Variants in OGFOD3 observed in about 807,000 individuals in gnomAD.
OGFOD3 encodes 2-oxoglutarate and iron-dependent oxygenase domain-containing protein 3.
A neutral mutation model predicts 39.8 loss-of-function variants in OGFOD3; 35 were observed. The ratio of observed to expected loss-of-function variants is 0.88; its 90% CI spans 0.67 to 1.17. OGFOD3 has a LOEUF of 1.17. Ranked by LOEUF, OGFOD3 falls within the 50% of genes most tolerant of loss-of-function variation. OGFOD3 has a pLI of 0.00. For synonymous variants in OGFOD3, 200 were observed against 192.0 expected, an observed-to-expected ratio of 1.04 and a Z score of -0.34; for missense variants, 438 against 454.5, an observed-to-expected ratio of 0.96 and a Z score of 0.33.
Position 82,415,013 on chromosome 17 carries a change from G to C in OGFOD3, c.304+385C>G, listed in dbSNP as rs533213227. The stretch of plus-strand genomic sequence containing the variant: ...TCAGGCCCAGGCAGAACGGGAGCGG[G>C]GGAGGGGAGCTGGGGCACAGGACGG... On this transcript the variant is annotated intron_variant, in intron 2 of 8. Coordinates refer to ENST00000313056, the MANE Select transcript of OGFOD3 (RefSeq NM_024648.3). This position sits in a 1 kb window ranked among gnomAD's most constrained non-coding sequence, Gnocchi z 5.3. Among the ~76,000 whole-genome samples, 1 of 152,204 alleles carries C rather than the reference G, an allele frequency of 6.6e-6. No individual in the cohort carries two copies. Among genetic ancestry groups the C allele is most frequent in the Non-Finnish European group, 1.5e-5 (1 of 68,032 alleles).
At chr17:82,409,118 G>A (rs2052903280) in intron 4 of OGFOD3, among the ~76,000 whole-genome samples, 1 of 152,208 alleles carries the variant, frequency 6.6e-6, no homozygotes, top group Admixed American at 6.5e-5. Context: ...ACTGGAGCCA[G>A]GCAGGCCGTG....
In OGFOD3 at chr17:82,404,990, C is replaced by T. The variant is rs1361353309; in HGVS notation, c.545+334G>A. On this transcript the variant is annotated intron_variant, in intron 6 of 8. Coordinates refer to ENST00000313056, the MANE Select transcript of OGFOD3 (RefSeq NM_024648.3). This position sits in a 1 kb window ranked among gnomAD's most constrained non-coding sequence, Gnocchi z 4.5. ...TCCTGACCTCAGGTGATCCACCCGC[C>T]TCGCCTCCCAAAGTGCTGGGATTAC... is the stretch of plus-strand genomic sequence containing the variant. Among the ~76,000 whole-genome samples, 1 of 152,138 alleles carries T rather than the reference C, an allele frequency of 6.6e-6. No individual in the cohort carries two copies. Among genetic ancestry groups the T allele is most frequent in the Non-Finnish European group, 1.5e-5 (1 of 68,018 alleles).
At chr17:82,411,647 C>T (rs1478658143) in intron 2 of OGFOD3, 117 bp from the exon 3 acceptor site, 5 of 751,422 alleles carry the variant, frequency 6.7e-6, no homozygotes, top group Admixed American at 2.2e-5. Flanking sequence ...TTCAGACACA[C>T]ACAACCACAG....
chr17:82,418,450 G>C lies in OGFOD3; in HGVS notation c.36C>G (p.Pro12=), dbSNP rs2053127814. ...GGCGCTCGGCCGCTCCGTTGCCCTC[G>C]GGCGCCTTGGTTGCGGCCCTCCGCT... is the stretch of plus-strand genomic sequence containing the variant. ...APQRRAATKA[P]EGNGAAERRN... Residue 12 remains proline, a synonymous_variant, in exon 1 of 9, where the codon CCC becomes CCG. Transcript: ENST00000313056. The C allele has an allele frequency of 2.0e-6, 3 of 1,476,044 alleles. No individual in the cohort carries two copies. The highest frequency in any genetic ancestry group is 2.7e-6 in the Non-Finnish European group (3 of 1,119,490). 91.4% of individuals were successfully genotyped at this position (1,476,044 alleles called of 1,614,324 possible).
Position 82,389,963 on chromosome 17 carries a change from G to A in OGFOD3, c.*2435C>T, listed in dbSNP as rs1176550461. ...GGGAACCCAGGAGGTGGACCTTGCA[G>A]TGAGCCGAGATTGCGCCACTGCACT... On this transcript the variant is annotated 3_prime_UTR_variant, in exon 9 of 9. Coordinates refer to ENST00000313056, the MANE Select transcript of OGFOD3 (RefSeq NM_024648.3). The surrounding 1 kb of genome is among the most constrained non-coding windows in gnomAD (Gnocchi z 4.6). 6.6e-6 allele frequency: 1 copy of A among 152,074 alleles called. No homozygotes were observed. Among genetic ancestry groups the A allele is most frequent in the East Asian group, 1.9e-4 (1 of 5,192 alleles). The allele number at this position is 152,074 out of a possible 1,614,324, so 9.4% of individuals were successfully genotyped here.
rs376554875 is a variant in OGFOD3, at chr17:82,392,561, GC to G, written c.824-28del. 727 of 1,564,796 alleles carry G rather than the reference GC, an allele frequency of 4.6e-4. 4 individuals are homozygous for G. The African/African-American group carries it at 9.0e-3, about 19-fold the overall frequency. On this transcript the variant is annotated intron_variant, in intron 8 of 8. Coordinates refer to ENST00000313056, the MANE Select transcript of OGFOD3 (RefSeq NM_024648.3). The surrounding 1 kb of genome is among the most constrained non-coding windows in gnomAD (Gnocchi z 4.2). ...TGGGAGAGGAGAAGAGAGAGAGGTG[GC>G]CATAGAGCCACACCCACGGCCACAG...
At chr17:82,402,682 G>A (rs1394408660) in intron 7 of OGFOD3, among the ~76,000 whole-genome samples, 12 of 152,164 alleles carry the variant, frequency 7.9e-5, no homozygotes, top group Admixed American at 7.9e-4. Context: ...AAGAGGTGGA[G>A]GTTGCAGTGA....
chr17:82,411,684 G>A (rs760653871), intron 2 of OGFOD3, 154 bp from the exon 3 acceptor site: 3 of 605,446 alleles, frequency 5.0e-6, no homozygotes, highest in South Asian at 4.0e-5. Context: ...CGCTTTGTGC[G>A]GTGCATCTGG....
At chr17:82,417,339 C>G (rs1032933171) in intron 1 of OGFOD3, 1 of 152,202 alleles carries the variant, frequency 6.6e-6, no homozygotes, top group Non-Finnish European at 1.5e-5. Context: ...ATAGCTGTGG[C>G]CAGGTGCAGT....
intron 1 of OGFOD3, among the ~76,000 whole-genome samples, chr17:82,417,902 C>T (rs2053094751): frequency 6.6e-6 from 1 of 152,168 alleles, no homozygotes; most frequent in African/African-American, 2.4e-5. Flanking sequence ...ACGTTAGAGG[C>T]TCCTTCACTA....
chr17:82,411,038 T>C (rs1347621577), intron 3 of OGFOD3, among the ~76,000 whole-genome samples: 2 of 146,886 alleles, frequency 1.4e-5, no homozygotes, highest in Admixed American at 6.9e-5. Flanking sequence ...CTTATAAAAT[T>C]ATAATAAAAT....
chr17:82,393,391 C>A (rs985395298), intron 8 of OGFOD3: 4 of 152,248 alleles, frequency 2.6e-5, no homozygotes, highest in Non-Finnish European at 4.4e-5. Context: ...GAGAGAAGTC[C>A]ATCCCGGGTG....
chr17:82,389,431 C>G lies in OGFOD3; in HGVS notation c.*2967G>C, dbSNP rs2052576853. 6.6e-6 allele frequency: 1 copy of G among 152,218 alleles called. No individual in the cohort carries two copies. The highest frequency in any genetic ancestry group is 1.5e-5 in the Non-Finnish European group (1 of 68,044). The allele number at this position is 152,218 out of a possible 1,614,324, so 9.4% of individuals were successfully genotyped here. On this transcript the variant is annotated 3_prime_UTR_variant, in exon 9 of 9. Coordinates refer to ENST00000313056, the MANE Select transcript of OGFOD3 (RefSeq NM_024648.3). This position sits in a 1 kb window ranked among gnomAD's most constrained non-coding sequence, Gnocchi z 4.6. Reference sequence around the variant, plus strand: ...GTTCACGAGCACTTCTTGGGCAAAGCCCAGGGTGTGAGGATTCACTGCTGT... The same window carrying G: ...GTTCACGAGCACTTCTTGGGCAAAGGCCAGGGTGTGAGGATTCACTGCTGT...
Position 82,415,983 on chromosome 17 carries a change from C to T in OGFOD3, c.75-356G>A, listed in dbSNP as rs1008058170. 2.6e-5 allele frequency among the ~76,000 whole-genome samples: 4 copies of T among 152,006 alleles called. No individual in the cohort carries two copies. The highest frequency in any genetic ancestry group is 9.7e-5 in the African/African-American group (4 of 41,370). ...GTGGCTTATGCCTGTAATCCCAGCA[C>T]CTGGGGAGGCCAAGGCGGGCAGATC... On this transcript the variant is annotated intron_variant, in intron 1 of 8. Coordinates refer to ENST00000313056, the MANE Select transcript of OGFOD3 (RefSeq NM_024648.3). This position sits in a 1 kb window ranked among gnomAD's most constrained non-coding sequence, Gnocchi z 5.3.
Position 82,415,551 on chromosome 17 carries a change from C to A in OGFOD3, c.151G>T (p.Ala51Ser), listed in dbSNP as rs1316214613. The change falls in exon 2 of 9, where the codon GCT (alanine) becomes TCT (serine). Residue 51 changes from alanine (A) to serine (S), a missense_variant. By Grantham distance (99) the Ala-to-Ser change is moderately conservative. Coordinates refer to ENST00000313056, the MANE Select transcript of OGFOD3 (RefSeq NM_024648.3). This position sits in a 1 kb window ranked among gnomAD's most constrained non-coding sequence, Gnocchi z 5.3. ...AGGAGTGCGGTGAGCACAAAGCCAG[C>A]CCCCAGGCCCGCGGTCCTTAGCCAC... Reference protein sequence around the residue: ...RPWLRTAGLGAGFVLTALLLW... With the variant: ...RPWLRTAGLGSGFVLTALLLW... The A allele has an allele frequency of 6.2e-7, 1 of 1,613,376 alleles. No individual in the cohort carries two copies. Among genetic ancestry groups the A allele is most frequent in the Non-Finnish European group, 8.5e-7 (1 of 1,179,922 alleles).
At chr17:82,403,327 G>A (rs2052795903) in intron 7 of OGFOD3, among the ~76,000 whole-genome samples, 1 of 151,986 alleles carries the variant, frequency 6.6e-6, no homozygotes, top group Non-Finnish European at 1.5e-5. Flanking sequence ...CCTCAGAGAG[G>A]AAGACATCTA....
In OGFOD3 at chr17:82,391,016, C is replaced by A; in HGVS notation, c.*1382G>T. 5.6e-6 allele frequency: 1 copy of A among 179,426 alleles called. No homozygotes were observed. Among genetic ancestry groups the A allele is most frequent in the South Asian group, 8.3e-5 (1 of 11,994 alleles). 11.1% of individuals were successfully genotyped at this position (179,426 alleles called of 1,614,324 possible). ...AGGTGGGGCCTCCTCCAGTCAGAGG[C>A]ACCTGTGCCAGGGGCTAGGGAACAT... is the stretch of plus-strand genomic sequence containing the variant. On this transcript the variant is annotated 3_prime_UTR_variant, in exon 9 of 9. Transcript: ENST00000313056. The surrounding 1 kb of genome is among the most constrained non-coding windows in gnomAD (Gnocchi z 5.1).
rs1039508357 is a variant in OGFOD3 at position 82,403,947 on chromosome 17, T to G, written c.689A>C (p.His230Pro). 3.7e-6 allele frequency: 6 copies of G among 1,604,266 alleles called. No homozygotes were observed. The Admixed American group carries it at 8.5e-5, about 23-fold the overall frequency. ...CACGGGCGCGCTCACCTTGTCCACG[T>G]GCGCATGCCAGTACTCGTCGTGCGC... is the stretch of plus-strand genomic sequence containing the variant. The part of the protein sequence containing the change: ...RTAHDEYWHA[H>P]VDKVTYGSFD... The change falls in exon 7 of 9, where the codon CAC becomes CCC. Residue 230 changes from histidine to proline, a missense_variant. His to Pro is a moderately conservative substitution (Grantham distance 77). Coordinates refer to ENST00000313056, the MANE Select transcript of OGFOD3 (RefSeq NM_024648.3).
At chr17:82,401,803 CAAAAAAAAAA>C (rs79956747) in intron 7 of OGFOD3, among the ~76,000 whole-genome samples, 7 of 61,724 alleles carry the variant, frequency 1.1e-4, no homozygotes, top group African/African-American at 1.7e-4. Context: ...GACTCCATCT[CAAAAAAAAAA>C]AAAAAAAAAA....
Sources: gnomAD v4.1 joint callset for allele counts (sites outside exome capture counted in the v4.1 genomes callset) on GRCh38, gnomAD v4.1.1 for gene constraint, Gnocchi (gnomAD v3.1) non-coding constraint, MANE v1.5 for transcripts, NCBI Gene and HGNC (gene_info 2026-07-23, HGNC 2026-07-21) for gene names.